The following FBXL7 variants were observed in gnomAD, a reference collection of about 807,000 sequenced individuals.
FBXL7 encodes F-box/LRR-repeat protein 7.
A neutral mutation model predicts 38.3 loss-of-function variants in FBXL7; 12 were observed. The ratio of observed to expected loss-of-function variants is 0.31; its 90% confidence interval spans 0.20 to 0.51. The LOEUF (loss-of-function observed/expected upper bound fraction) is 0.51, where lower values mean the gene tolerates loss of function less well. FBXL7 is among the 20% of genes least tolerant of loss of function. The probability of loss-of-function intolerance (pLI) is 0.98; values close to 1 mark genes in which losing one functional copy is unlikely to be tolerated. For missense variants in FBXL7, 567 were observed against 676.4 expected (o/e 0.84, Z 1.79); for synonymous variants, 297 against 300.9 (o/e 0.99, Z 0.13).
chr5:15,625,207 A>G (rs1301471338), intron 2 of FBXL7, among the ~76,000 whole-genome samples: 2 of 152,224 alleles, frequency 1.3e-5, no homozygotes, highest in Non-Finnish European at 2.9e-5. Flanking sequence ...GAATTGTTGA[A>G]GATTTAGTCT....
At chr5:15,864,238 C>T (rs769058966) in intron 2 of FBXL7, among the ~76,000 whole-genome samples, 23 of 147,352 alleles carry the variant, frequency 1.6e-4, no homozygotes, top group Non-Finnish European at 2.7e-4. Context: ...ATCAAACAAA[C>T]TTTTTTTTCA....
In FBXL7 at chr5:15,852,882, T is replaced by C. The variant is rs569371061; in HGVS notation, c.128-75008T>C. 3.2e-4 allele frequency among the ~76,000 whole-genome samples: 48 copies of C among 152,286 alleles called. 1 individual carries two copies. Among genetic ancestry groups the C allele is most frequent in the African/African-American group, 1.2e-3 (48 of 41,566 alleles). Reference sequence around the variant, plus strand: ...AGGCAAAGCACTCTGTGAGGGGCAATGGTTATACAAATAAGTAAGACTTTC... The same window carrying C: ...AGGCAAAGCACTCTGTGAGGGGCAACGGTTATACAAATAAGTAAGACTTTC... On this transcript the variant is annotated intron_variant, in intron 2 of 3. Transcript: ENST00000504595.
intron 1 of FBXL7, among the ~76,000 whole-genome samples, chr5:15,593,683 T>C (rs1439939669): frequency 6.6e-6 from 1 of 152,176 alleles, no homozygotes; most frequent in Non-Finnish European, 1.5e-5. Context: ...GTACAGGTTT[T>C]TTGTTTTAAA....
At chr5:15,889,944 G>A (rs1740832118) in intron 2 of FBXL7, among the ~76,000 whole-genome samples, 1 of 152,182 alleles carries the variant, frequency 6.6e-6, no homozygotes, top group African/African-American at 2.4e-5. Flanking sequence ...CTTAAAAAGT[G>A]AGATGGGAGG....
At chr5:15,583,979 T>C (rs1739228252) in intron 1 of FBXL7, among the ~76,000 whole-genome samples, 1 of 152,210 alleles carries the variant, frequency 6.6e-6, no homozygotes, top group Non-Finnish European at 1.5e-5. Flanking sequence ...CCTCACTTCT[T>C]GGCTTCTCTG....
chr5:15,697,629 C>T (rs1443245850), intron 2 of FBXL7, among the ~76,000 whole-genome samples: 1 of 151,658 alleles, frequency 6.6e-6, no homozygotes, highest in East Asian at 1.9e-4. Flanking sequence ...GATGGAGGTG[C>T]CAAAGACATT....
At chr5:15,667,699 G>A (rs1284330194) in intron 2 of FBXL7, among the ~76,000 whole-genome samples, 1 of 152,074 alleles carries the variant, frequency 6.6e-6, no homozygotes, top group Non-Finnish European at 1.5e-5. Context: ...CTTCTCTTCT[G>A]TTCATTCACC....
At chr5:15,755,476 G>A (rs746816036) in intron 2 of FBXL7, among the ~76,000 whole-genome samples, 11 of 152,022 alleles carry the variant, frequency 7.2e-5, no homozygotes, top group Admixed American at 2.0e-4. Context: ...GATATAAATT[G>A]TGTTGTCCCA....
intron 1 of FBXL7, among the ~76,000 whole-genome samples, chr5:15,568,276 A>C (rs1738653104): frequency 6.6e-6 from 1 of 152,000 alleles, no homozygotes; most frequent in African/African-American, 2.4e-5. Context: ...CTGACTTTTT[A>C]ATGATCGCCA....
At chr5:15,640,903 C>T (rs553054252) in intron 2 of FBXL7, among the ~76,000 whole-genome samples, 46 of 152,270 alleles carry the variant, frequency 3.0e-4, no homozygotes, top group Non-Finnish European at 5.9e-4. Flanking sequence ...CTGCTTTCTT[C>T]GCATCCTTTG....
intron 2 of FBXL7, among the ~76,000 whole-genome samples, chr5:15,763,557 G>C (rs1736504968): frequency 1.3e-5 from 2 of 152,144 alleles, no homozygotes; most frequent in Admixed American, 6.5e-5. Flanking sequence ...GAATTCCTTT[G>C]ATGAAAGGAA....
At chr5:15,546,762 A>G (rs1737908718) in intron 1 of FBXL7, among the ~76,000 whole-genome samples, 1 of 152,146 alleles carries the variant, frequency 6.6e-6, no homozygotes, top group Non-Finnish European at 1.5e-5. Context: ...GCTTCTAGAA[A>G]ACTTAAAATT....
chr5:15,847,287 C>T lies in FBXL7; in HGVS notation c.128-80603C>T, dbSNP rs1738936303. Among the ~76,000 whole-genome samples, 2 of 152,172 alleles carry T rather than the reference C, an allele frequency of 1.3e-5. 1 individual carries two copies. Among genetic ancestry groups the T allele is most frequent in the African/African-American group, 4.8e-5 (2 of 41,436 alleles). On this transcript the variant is annotated intron_variant, in intron 2 of 3. Transcript: ENST00000504595. ...GTCATGGTGGAAGGGGAAGCAAACACATCCTTATTCACATGGCAGCAGCAA... is the reference window on the plus strand; with the variant it reads ...GTCATGGTGGAAGGGGAAGCAAACATATCCTTATTCACATGGCAGCAGCAA...
At chr5:15,662,648 C>A (rs1185872051) in intron 2 of FBXL7, among the ~76,000 whole-genome samples, 1 of 152,136 alleles carries the variant, frequency 6.6e-6, no homozygotes, top group Non-Finnish European at 1.5e-5. Flanking sequence ...ACATTGAAGT[C>A]TTTAATTCAT....
At chr5:15,502,876 T>G (rs775432416) in intron 1 of FBXL7, among the ~76,000 whole-genome samples, 1 of 152,216 alleles carries the variant, frequency 6.6e-6, no homozygotes, top group Non-Finnish European at 1.5e-5. Flanking sequence ...CTAGACATAG[T>G]ATCTTTATTA....
chr5:15,867,894 A>G (rs746001664), intron 2 of FBXL7, among the ~76,000 whole-genome samples: 1 of 152,090 alleles, frequency 6.6e-6, no homozygotes, highest in Non-Finnish European at 1.5e-5. Flanking sequence ...TCACAAGGTC[A>G]AGAGATCAAG....
At chr5:15,810,778 T>C (rs1020270296) in intron 2 of FBXL7, among the ~76,000 whole-genome samples, 1 of 152,208 alleles carries the variant, frequency 6.6e-6, no homozygotes, top group Admixed American at 6.5e-5. Flanking sequence ...ATAGTGTTTG[T>C]TTAATACATT....
Position 15,938,833 on chromosome 5 carries a change from T to G in FBXL7, c.*1647T>G, listed in dbSNP as rs2126479091. ...TAGCCAGAAGAAATTCCATTGCTGG[T>G]TTTCACGAAATTCACTTGTCTTTTG... is the stretch of plus-strand genomic sequence containing the variant. On this transcript the variant is annotated 3_prime_UTR_variant, in exon 4 of 4. Transcript: ENST00000504595. 1 of 396,592 alleles carries G rather than the reference T, an allele frequency of 2.5e-6. No homozygotes were observed. The highest frequency in any genetic ancestry group is 4.4e-6 in the Non-Finnish European group (1 of 225,296). 24.6% of individuals were successfully genotyped at this position (396,592 alleles called of 1,614,324 possible). A position where few individuals can be genotyped will look rare whatever the true frequency, so the allele number is the denominator to read the frequency against.
chr5:15,787,316 A>C (rs1018064830), intron 2 of FBXL7, among the ~76,000 whole-genome samples: 1 of 152,198 alleles, frequency 6.6e-6, no homozygotes, highest in Non-Finnish European at 1.5e-5. Context: ...TGAAAGTATT[A>C]AAAATATAGA....
Sources: allele counts gnomAD v4.1 joint callset (sites outside exome capture counted in the v4.1 genomes callset), GRCh38; gene constraint gnomAD v4.1.1; transcripts MANE v1.5; gene names NCBI Gene and HGNC (gene_info 2026-07-23, HGNC 2026-07-21).